BIRC7: variants seen among roughly 807,000 people sequenced by gnomAD.
BIRC7 encodes the protein baculoviral IAP repeat containing 7, also known as baculoviral IAP repeat-containing protein 7.
Under a neutral mutation model 33.2 loss-of-function variants are expected in BIRC7, and 26 were observed. The observed-to-expected ratio is 0.78, with a 90% confidence interval of 0.57 to 1.09. The LOEUF (loss-of-function observed/expected upper bound fraction) is 1.09, where lower values mean the gene tolerates loss of function less well. BIRC7 is among the 50% of genes least tolerant of loss of function. The probability of loss-of-function intolerance (pLI) is 0.00; values close to 1 mark genes in which losing one functional copy is unlikely to be tolerated. For synonymous variants in BIRC7, 176 were observed against 171.0 expected (o/e 1.03, Z -0.23); for missense variants, 409 against 401.2 (o/e 1.02, Z -0.17).
intron 1 of BIRC7, among the ~76,000 whole-genome samples, chr20:63,237,296 A>C (rs2066695957): frequency 6.6e-6 from 1 of 152,216 alleles, no homozygotes; most frequent in Non-Finnish European, 1.5e-5. Context: ...GGCAAGAGGC[A>C]TGGCAGGTGC....
chr20:63,237,071 G>A (rs997724952), intron 1 of BIRC7, among the ~76,000 whole-genome samples: 14 of 152,198 alleles, frequency 9.2e-5, no homozygotes, highest in Non-Finnish European at 2.1e-4. Context: ...TGAAGGACAG[G>A]GCAGCAGGGC....
chr20:63,238,038 A>C, intron 2 of BIRC7, 36 bp downstream of exon 2: 1 of 1,509,032 alleles, frequency 6.6e-7, no homozygotes, highest in Non-Finnish European at 8.9e-7. Flanking sequence ...GGGTCTGATC[A>C]TGGGTAGGGG....
chr20:63,238,632 C>A lies in BIRC7; in HGVS notation c.577+18C>A. Reference sequence around the variant, plus strand: ...CCCCTCCGGTGAGAGCTGACACCACCCCTGCTGACTCCTTGTGCGCCTGCA... The same window carrying A: ...CCCCTCCGGTGAGAGCTGACACCACACCTGCTGACTCCTTGTGCGCCTGCA... On this transcript the variant is annotated intron_variant, in intron 4 of 6. Transcript: ENST00000217169. 6.2e-7 allele frequency: 1 copy of A among 1,612,176 alleles called. No individual in the cohort carries two copies. The highest frequency in any genetic ancestry group is 2.2e-5 in the East Asian group (1 of 44,874).
Position 63,239,602 on chromosome 20 carries a change from C to A in BIRC7, c.894C>A (p.Ser298=), listed in dbSNP as rs753285539. The A allele has an allele frequency of 6.3e-7, 1 of 1,594,554 alleles. No homozygotes were observed. Among genetic ancestry groups the A allele is most frequent in the South Asian group, 1.1e-5 (1 of 90,462 alleles). ...PVRSRVRTFL[S] ...GCAGCCGCGTGCGCACCTTCCTGTC[C>A]TAGGCCAGGTGAGCGCCCCAGCACC... The change falls in exon 6 of 7, where the codon TCC becomes TCA. Residue 298 remains serine, a synonymous_variant. Coordinates refer to ENST00000217169, the MANE Select transcript of BIRC7 (RefSeq NM_139317.3).
In BIRC7 at chr20:63,236,279, CCT is replaced by C; in HGVS notation, c.184_185del (p.Leu62AspfsTer25). Reference sequence around the variant, plus strand: ...GGCAGATCCTGGGCCAGCTGCGGCCCCTGACAGAGGAGGAAGAGGAGGAGGGC... The same window carrying C: ...GGCAGATCCTGGGCCAGCTGCGGCCCGACAGAGGAGGAAGAGGAGGAGGGC... The part of the protein sequence containing the change: ...DGQILGQLRP[L>X]TEEEEEEGAG... On this transcript the variant is annotated frameshift_variant, in exon 1 of 7. Coordinates refer to ENST00000217169, the MANE Select transcript of BIRC7 (RefSeq NM_139317.3). LOFTEE classifies it high-confidence loss of function. 2 of 1,611,012 alleles carry C rather than the reference CCT, an allele frequency of 1.2e-6. No homozygotes were observed. Among genetic ancestry groups the C allele is most frequent in the Non-Finnish European group, 1.7e-6 (2 of 1,179,164 alleles).
Position 63,236,245 on chromosome 20 carries a change from A to G in BIRC7, c.149A>G (p.His50Arg), listed in dbSNP as rs2066687399. 1 of 1,601,826 alleles carries G rather than the reference A, an allele frequency of 6.2e-7. No homozygotes were observed. Among genetic ancestry groups the G allele is most frequent in the African/African-American group, 1.3e-5 (1 of 74,842 alleles). Residue 50 changes from histidine (H) to arginine (R), a missense_variant, in exon 1 of 7, where the codon CAC becomes CGC. Transcript: ENST00000217169. ...LGLDTCRAWDHVDGQILGQLR... is the reference protein window; with the variant it reads ...LGLDTCRAWDRVDGQILGQLR... ...CTGGACACCTGCAGAGCCTGGGACCACGTGGATGGGCAGATCCTGGGCCAG... is the reference window on the plus strand; with the variant it reads ...CTGGACACCTGCAGAGCCTGGGACCGCGTGGATGGGCAGATCCTGGGCCAG...
rs780860122 is a variant in BIRC7 at position 63,236,351 on chromosome 20, C to T, written c.255C>T (p.Gly85=). The T allele has an allele frequency of 1.3e-6, 2 of 1,599,426 alleles. No individual in the cohort carries two copies. Among genetic ancestry groups the T allele is most frequent in the Non-Finnish European group, 1.7e-6 (2 of 1,170,702 alleles). Residue 85 remains glycine, a synonymous_variant, in exon 1 of 7, where the codon GGC becomes GGT. Coordinates refer to ENST00000217169, the MANE Select transcript of BIRC7 (RefSeq NM_139317.3). ...GGGGGCCTGCCTTCCCCGGCATGGG[C>T]TCTGAGGAGTTGCGTCTGGCCTCCT... ...LSRGPAFPGM[G]SEELRLASFY... is the part of the protein sequence containing the mutation.
In BIRC7 at chr20:63,238,724, G is replaced by A. The variant is rs528370373; in HGVS notation, c.577+110G>A. On this transcript the variant is annotated intron_variant, in intron 4 of 6. Coordinates refer to ENST00000217169, the MANE Select transcript of BIRC7 (RefSeq NM_139317.3). ...AGACAGCAGGGAGAGTGACGGGCACGTGACAGGGTGTGACGCTGCTGCCTG... is the reference window on the plus strand; with the variant it reads ...AGACAGCAGGGAGAGTGACGGGCACATGACAGGGTGTGACGCTGCTGCCTG... The A allele has an allele frequency of 1.5e-5, 21 of 1,398,958 alleles. No homozygotes were observed. The East Asian group carries it at 2.1e-4, about 14-fold the overall frequency. 86.7% of individuals were successfully genotyped at this position (1,398,958 alleles called of 1,614,324 possible).
Position 63,236,253 on chromosome 20 carries a change from G to A in BIRC7, c.157G>A (p.Gly53Arg). ...DTCRAWDHVDGQILGQLRPLT... is the reference protein window; with the variant it reads ...DTCRAWDHVDRQILGQLRPLT... ...CTGCAGAGCCTGGGACCACGTGGAT[G>A]GGCAGATCCTGGGCCAGCTGCGGCC... Residue 53 changes from glycine to arginine, a missense_variant, in exon 1 of 7, where the codon GGG becomes AGG. Transcript: ENST00000217169. The A allele has an allele frequency of 6.2e-7, 1 of 1,605,244 alleles. No homozygotes were observed. The highest frequency in any genetic ancestry group is 8.5e-7 in the Non-Finnish European group (1 of 1,176,054).
intron 2 of BIRC7, 96 bp from the exon 3 acceptor site, chr20:63,238,300 G>C (rs751918819): frequency 6.9e-7 from 1 of 1,446,958 alleles, no homozygotes; most frequent in African/African-American, 1.4e-5. Flanking sequence ...AGGGTGGCGG[G>C]AGGAGGGGGC....
At chr20:63,238,113 C>T (rs1392632449) in intron 2 of BIRC7, 111 bp downstream of exon 2, 3 of 1,082,648 alleles carry the variant, frequency 2.8e-6, no homozygotes, top group Non-Finnish European at 3.9e-6. Context: ...CCCCACAGGG[C>T]ACTGGGGAGG....
Position 63,236,267 on chromosome 20 carries a change from C to A in BIRC7, c.171C>A (p.Gly57=). Residue 57 remains glycine, a synonymous_variant, in exon 1 of 7, where the codon GGC becomes GGA. Coordinates refer to ENST00000217169, the MANE Select transcript of BIRC7 (RefSeq NM_139317.3). ...ACCACGTGGATGGGCAGATCCTGGG[C>A]CAGCTGCGGCCCCTGACAGAGGAGG... ...AWDHVDGQIL[G]QLRPLTEEEE... 1 of 1,608,500 alleles carries A rather than the reference C, an allele frequency of 6.2e-7. No individual in the cohort carries two copies. The highest frequency in any genetic ancestry group is 8.5e-7 in the Non-Finnish European group (1 of 1,177,896).
At chr20:63,237,606 C>T (rs1036768850) in intron 1 of BIRC7, among the ~76,000 whole-genome samples, 1 of 152,046 alleles carries the variant, frequency 6.6e-6, no homozygotes, top group Non-Finnish European at 1.5e-5. Context: ...ATAGATGTAC[C>T]AAGCCCTGGG....
At position 63,239,622 on chromosome 20, in the gene BIRC7, A is replaced by G; in HGVS notation, c.*5+12A>G. On this transcript the variant is annotated intron_variant, in intron 6 of 6. Coordinates refer to ENST00000217169, the MANE Select transcript of BIRC7 (RefSeq NM_139317.3). ...CTGTCCTAGGCCAGGTGAGCGCCCC[A>G]GCACCACGCGCAGCCAGCCCTCCTG... The G allele has an allele frequency of 1.3e-6, 2 of 1,581,672 alleles. No individual in the cohort carries two copies. Among genetic ancestry groups the G allele is most frequent in the South Asian group, 1.1e-5 (1 of 89,486 alleles).
At chr20:63,238,978 T>G in intron 4 of BIRC7, 184 bp from the exon 5 acceptor site, 1 of 693,876 alleles carries the variant, frequency 1.4e-6, no homozygotes, top group Non-Finnish European at 2.4e-6. Context: ...TGGTGGCGCC[T>G]CCAGGAAGCC....
intron 1 of BIRC7, 95 bp from the exon 2 acceptor site, chr20:63,237,808 C>T: frequency 9.1e-7 from 1 of 1,103,712 alleles, no homozygotes; most frequent in Non-Finnish European, 1.2e-6. Context: ...TGGGAGCTCC[C>T]CTCCAGCTGA....
chr20:63,237,847 G>T, intron 1 of BIRC7, 56 bp from the exon 2 acceptor site: 1 of 1,460,066 alleles, frequency 6.8e-7, no homozygotes, highest in Non-Finnish European at 9.2e-7. Context: ...AGGACACACC[G>T]GGGGCCCGGG....
chr20:63,235,936 C>T lies in BIRC7; in HGVS notation c.-161C>T. 2 of 881,024 alleles carry T rather than the reference C, an allele frequency of 2.3e-6. No homozygotes were observed. The highest frequency in any genetic ancestry group is 4.5e-5 in the South Asian group (2 of 44,336). 54.6% of individuals were successfully genotyped at this position (881,024 alleles called of 1,614,324 possible). ...AGAAAGCTGTGGGCCCTGGGATACT[C>T]CCCTCCCAGGGTGTCTGGTGGCAGG... On this transcript the variant is annotated 5_prime_UTR_variant, in exon 1 of 7. Coordinates refer to ENST00000217169, the MANE Select transcript of BIRC7 (RefSeq NM_139317.3).
In BIRC7 at chr20:63,236,402, G is replaced by A. The variant is rs765794477; in HGVS notation, c.306G>A (p.Glu102=). The A allele has an allele frequency of 2.6e-6, 4 of 1,558,422 alleles. No homozygotes were observed. The highest frequency in any genetic ancestry group is 2.2e-4 in the Middle Eastern group (1 of 4,574). Residue 102 remains glutamate, a synonymous_variant, in exon 1 of 7, where the codon GAG becomes GAA. Transcript: ENST00000217169. ...TCTATGACTGGCCGCTGACTGCTGA[G>A]GTGCCACCCGAGCTGCTGGCTGCTG... ...ASFYDWPLTA[E]VPPELLAAAG... is the part of the protein sequence containing the mutation.
Sources: gnomAD v4.1 joint callset for allele counts (sites outside exome capture counted in the v4.1 genomes callset) on GRCh38, gnomAD v4.1.1 for gene constraint, MANE v1.5 for transcripts, NCBI Gene and HGNC (gene_info 2026-07-23, HGNC 2026-07-21) for gene names.